Variants in CNTNAP5 observed in about 807,000 individuals in gnomAD.
The protein encoded by CNTNAP5 is contactin associated protein family member 5, also known as contactin-associated protein-like 5.
A neutral mutation model predicts 150.2 loss-of-function variants in CNTNAP5; 72 were observed. The observed-to-expected ratio is 0.48, with a 90% CI of 0.40 to 0.58. The LOEUF is 0.58. Among genes scored for constraint, CNTNAP5 ranks in the 20% least tolerant of loss-of-function variants. The pLI, the probability that CNTNAP5 is intolerant of heterozygous loss-of-function variation, is 0.00. For synonymous variants in CNTNAP5, 672 were observed against 619.8 expected, an observed-to-expected ratio of 1.08 and a Z score of -1.25; for missense variants, 1,636 against 1,626.2, an observed-to-expected ratio of 1.01 and a Z score of -0.10.
At position 124,504,423 on chromosome 2, in the gene CNTNAP5, A is replaced by G. The variant is rs1444721508; in HGVS notation, c.1194A>G (p.Thr398=). ...TCTCAGTGAGTTTCCAGTTTCGAAC[A>G]TGGAACAAGGATGGTCTGCTTCTGT... The part of the protein sequence containing the change: ...DGLSVSFQFR[T]WNKDGLLLST... Residue 398 remains threonine (T), a synonymous_variant, in exon 8 of 24, where the codon ACA becomes ACG. Transcript: ENST00000682447. The G allele has an allele frequency of 1.9e-6, 3 of 1,613,768 alleles. No individual in the cohort carries two copies. Among genetic ancestry groups the G allele is most frequent in the African/African-American group, 2.7e-5 (2 of 74,904 alleles).
intron 13 of CNTNAP5, among the ~76,000 whole-genome samples, chr2:124,717,204 T>C (rs77564173): frequency 0.043 from 6,596 of 152,240 alleles, 510 homozygotes; most frequent in African/African-American, 0.15. Flanking sequence ...GATTCAGAGG[T>C]GACGGAGGAG....
intron 14 of CNTNAP5, among the ~76,000 whole-genome samples, chr2:124,756,402 T>G (rs1361357049): frequency 1.3e-5 from 2 of 152,144 alleles, no homozygotes; most frequent in Non-Finnish European, 2.9e-5. Context: ...ACTGAGCAAT[T>G]CCATTACTGG....
At chr2:124,469,053 A>C (rs1449721126) in intron 6 of CNTNAP5, among the ~76,000 whole-genome samples, 1 of 152,158 alleles carries the variant, frequency 6.6e-6, no homozygotes, top group Non-Finnish European at 1.5e-5. Flanking sequence ...CTCTATCCAT[A>C]TCCACCCAAC....
intron 5 of CNTNAP5, among the ~76,000 whole-genome samples, chr2:124,437,560 A>G (rs1441043828): frequency 1.3e-5 from 2 of 152,176 alleles, no homozygotes; most frequent in Admixed American, 6.6e-5. Flanking sequence ...TAAAAAAAAG[A>G]AAAATCCAAC....
rs534091033 is a variant in CNTNAP5, at chr2:124,242,171, C to T, written c.188-29C>T. The stretch of plus-strand genomic sequence containing the variant: ...AGCTATGTGAGACATTACTACAACT[C>T]TCTCTCACTCTCTCTGATCCTGTTC... On this transcript the variant is annotated intron_variant, in intron 2 of 23. Transcript: ENST00000682447. 1.3e-4 allele frequency: 195 copies of T among 1,530,110 alleles called. 4 individuals are homozygous for T. In the South Asian group the frequency reaches 2.0e-3, roughly 16 times the overall value. The allele number at this position is 1,530,110 out of a possible 1,614,324, so 94.8% of individuals were successfully genotyped here.
At chr2:124,382,900 AT>A (rs554980250) in intron 3 of CNTNAP5, among the ~76,000 whole-genome samples, 5 of 151,552 alleles carry the variant, frequency 3.3e-5, no homozygotes, top group Admixed American at 1.3e-4. Flanking sequence ...ACAGAAAAAG[AT>A]TTTTTTTTCT....
At chr2:124,756,864 C>G (rs1680850273) in intron 14 of CNTNAP5, among the ~76,000 whole-genome samples, 5 of 152,082 alleles carry the variant, frequency 3.3e-5, no homozygotes, top group African/African-American at 4.8e-5. Flanking sequence ...AGCAAACCAC[C>G]ATGGCACATG....
intron 12 of CNTNAP5, among the ~76,000 whole-genome samples, chr2:124,624,109 G>A (rs1008260527): frequency 1.3e-5 from 2 of 152,196 alleles, no homozygotes; most frequent in African/African-American, 4.8e-5. Context: ...TTGAAGGGCT[G>A]AGCTTTAAAG....
intron 19 of CNTNAP5, among the ~76,000 whole-genome samples, chr2:124,849,783 T>C (rs1683118852): frequency 6.6e-6 from 1 of 152,244 alleles, no homozygotes; most frequent in East Asian, 1.9e-4. Flanking sequence ...ACAATGAAGC[T>C]TGGCCTCAGA....
intron 3 of CNTNAP5, among the ~76,000 whole-genome samples, chr2:124,341,861 G>C (rs1689625962): frequency 6.6e-6 from 1 of 152,070 alleles, no homozygotes; most frequent in Admixed American, 6.6e-5. Flanking sequence ...TTCCCTGAAG[G>C]TTATATCAAG....
At chr2:124,122,660 C>T (rs1247727074) in intron 1 of CNTNAP5, among the ~76,000 whole-genome samples, 1 of 152,060 alleles carries the variant, frequency 6.6e-6, no homozygotes, top group Non-Finnish European at 1.5e-5. Flanking sequence ...CTTCGATTTA[C>T]TGGATGCTTA....
At position 124,921,187 on chromosome 2, in the gene CNTNAP5, G is replaced by A. The variant is rs891068368; in HGVS notation, c.*6899G>A. ...GTAAATAATGTATATTTAATAAAGA[G>A]AACATTTTGTATGATTTTGTGTGGA... On this transcript the variant is annotated 3_prime_UTR_variant, in exon 24 of 24. Transcript: ENST00000682447. Among the ~76,000 whole-genome samples, 2 of 152,136 alleles carry A rather than the reference G, an allele frequency of 1.3e-5. No homozygotes were observed. Among genetic ancestry groups the A allele is most frequent in the African/African-American group, 2.4e-5 (1 of 41,440 alleles).
At chr2:124,095,458 C>T (rs561359051) in intron 1 of CNTNAP5, among the ~76,000 whole-genome samples, 5 of 152,110 alleles carry the variant, frequency 3.3e-5, no homozygotes, top group African/African-American at 1.2e-4. Context: ...AGATGTATAC[C>T]TATGTAACAA....
In CNTNAP5 at chr2:124,917,698, C is replaced by T. The variant is rs1385328876; in HGVS notation, c.*3410C>T. On this transcript the variant is annotated 3_prime_UTR_variant, in exon 24 of 24. Transcript: ENST00000682447. ...AAGAGATTGTTTTTCTTTTTTCATT[C>T]ATGAAGTATTTATGGAATGCCAATG... Among the ~76,000 whole-genome samples the T allele has an allele frequency of 6.6e-6, 1 of 151,934 alleles. No homozygotes were observed. The highest frequency in any genetic ancestry group is 1.5e-5 in the Non-Finnish European group (1 of 67,956).
intron 3 of CNTNAP5, among the ~76,000 whole-genome samples, chr2:124,413,808 C>T (rs1350504465): frequency 7.9e-6 from 1 of 125,918 alleles, no homozygotes; most frequent in East Asian, 2.4e-4. Context: ...GTGCAGTGCA[C>T]CAGCATGGCA....
intron 2 of CNTNAP5, among the ~76,000 whole-genome samples, chr2:124,224,900 G>A (rs1170611): frequency 6.6e-6 from 1 of 151,954 alleles, no homozygotes; most frequent in Non-Finnish European, 1.5e-5. Context: ...TCCTGTCTAT[G>A]CACTGACATG....
chr2:124,065,272 A>G (rs1682125538), intron 1 of CNTNAP5, among the ~76,000 whole-genome samples: 1 of 152,166 alleles, frequency 6.6e-6, no homozygotes, highest in Non-Finnish European at 1.5e-5. Flanking sequence ...CAGAGATTGA[A>G]GTAGACAGTT....
chr2:124,691,617 T>C (rs1018285225), intron 13 of CNTNAP5, among the ~76,000 whole-genome samples: 2 of 152,080 alleles, frequency 1.3e-5, no homozygotes, highest in African/African-American at 2.4e-5. Context: ...TGCTTCTGTG[T>C]TTGTAACCCT....
intron 1 of CNTNAP5, among the ~76,000 whole-genome samples, chr2:124,125,352 A>G (rs1461959761): frequency 6.6e-6 from 1 of 152,236 alleles, no homozygotes; most frequent in Non-Finnish European, 1.5e-5. Flanking sequence ...CAATTCAACA[A>G]GAAGAGCTAA....
Sources: allele counts gnomAD v4.1 joint callset (sites outside exome capture counted in the v4.1 genomes callset), GRCh38; gene constraint gnomAD v4.1.1; transcripts MANE v1.5; gene names NCBI Gene and HGNC (gene_info 2026-07-23, HGNC 2026-07-21).